PCDHGB3: variants seen among roughly 807,000 people sequenced by gnomAD.
PCDHGB3 encodes the protein protocadherin gamma subfamily B, 3, also known as protocadherin gamma-B3.
A neutral mutation model predicts 59.2 loss-of-function variants in PCDHGB3; 40 were observed. The ratio of observed to expected loss-of-function variants is 0.68; its 90% confidence interval spans 0.52 to 0.88. PCDHGB3 has a LOEUF of 0.88. PCDHGB3 is among the 40% of genes least tolerant of loss of function. PCDHGB3 has a pLI of 0.00. For missense variants in PCDHGB3, 1,309 were observed against 1,187.9 expected (o/e 1.10, Z -1.50); for synonymous variants, 581 against 503.6 (o/e 1.15, Z -2.06).
intron 1 of PCDHGB3, among the ~76,000 whole-genome samples, chr5:141,465,104 T>A (rs1044128193): frequency 1.3e-5 from 2 of 151,862 alleles, no homozygotes; most frequent in East Asian, 3.9e-4. Context: ...GTTTTTTTTT[T>A]AAGTGTTTTA....
chr5:141,458,292 T>C (rs2098941901), intron 1 of PCDHGB3, among the ~76,000 whole-genome samples: 1 of 152,146 alleles, frequency 6.6e-6, no homozygotes, highest in Admixed American at 6.5e-5. Flanking sequence ...GTCCTCATGC[T>C]GGTTTAGATA....
At chr5:141,374,080 A>T in intron 1 of PCDHGB3, 1 of 1,520,068 alleles carries the variant, frequency 6.6e-7, no homozygotes. Context: ...CTAATAAGCC[A>T]GTAATGGCGC....
At chr5:141,428,188 G>T in intron 1 of PCDHGB3, 1 of 1,433,356 alleles carries the variant, frequency 7.0e-7, no homozygotes. Flanking sequence ...GACAGCCGCC[G>T]CTCTCTGCGC....
intron 1 of PCDHGB3, chr5:141,417,592 TG>T: frequency 2.1e-6 from 1 of 485,078 alleles, no homozygotes; most frequent in Non-Finnish European, 3.5e-6. Context: ...ACAGAGCCTC[TG>T]GGCGCCGCCG....
At chr5:141,429,613 G>A (rs1374650357) in intron 1 of PCDHGB3, among the ~76,000 whole-genome samples, 2 of 152,084 alleles carry the variant, frequency 1.3e-5, no homozygotes, top group African/African-American at 2.4e-5. Flanking sequence ...TCAATTTTAT[G>A]TCTGATATTT....
chr5:141,409,452 A>T, intron 1 of PCDHGB3: 1 of 1,613,990 alleles, frequency 6.2e-7, no homozygotes, highest in Non-Finnish European at 8.5e-7. Context: ...CAGACACCAG[A>T]ATACAATGTC....
At chr5:141,397,462 G>A (rs1415733475) in intron 1 of PCDHGB3, among the ~76,000 whole-genome samples, 1 of 152,152 alleles carries the variant, frequency 6.6e-6, no homozygotes, top group Non-Finnish European at 1.5e-5. Context: ...TAGAAATATT[G>A]GGGAGTTGGA....
At position 141,512,116 on chromosome 5, in the gene PCDHGB3, T is replaced by TTA. The variant is rs2099884085; in HGVS notation, c.*943_*944insTA. On this transcript the variant is annotated 3_prime_UTR_variant, in exon 4 of 4. Coordinates refer to ENST00000576222, the MANE Select transcript of PCDHGB3 (RefSeq NM_018924.5). ...ACTAGGCTGGACCCTTCCCACTACA[T>TTA]AATAGGGCTCAGCCCAGGCAGCCAG... 1 of 152,600 alleles carries TTA rather than the reference T, an allele frequency of 6.6e-6. No homozygotes were observed. The highest frequency in any genetic ancestry group is 2.1e-4 in the South Asian group (1 of 4,832). 9.5% of individuals were successfully genotyped at this position (152,600 alleles called of 1,614,324 possible).
intron 1 of PCDHGB3, chr5:141,389,156 T>C (rs2091626888): frequency 6.2e-7 from 1 of 1,613,950 alleles, no homozygotes; most frequent in Non-Finnish European, 8.5e-7. Flanking sequence ...CGGCAACAGA[T>C]CGGGGCAAGC....
rs2154573815 is a variant in PCDHGB3 at position 141,475,798 on chromosome 5, CAAAGG to C, written c.2416-19004_2416-19000del. ...TTGGCTGGAAACTCTGGAAGGAAGC[CAAAGG>C]AAAGTGAAGTTCCTGGCGCTAGCGC... On this transcript the variant is annotated intron_variant, in intron 1 of 3. Coordinates refer to ENST00000576222, the MANE Select transcript of PCDHGB3 (RefSeq NM_018924.5). The C allele has an allele frequency of 9.7e-6, 3 of 309,052 alleles. No homozygotes were observed. The South Asian group carries it at 2.0e-4, about 21-fold the overall frequency. 19.1% of individuals were successfully genotyped at this position (309,052 alleles called of 1,614,324 possible).
At chr5:141,451,607 C>T (rs2154563647) in intron 1 of PCDHGB3, among the ~76,000 whole-genome samples, 1 of 152,288 alleles carries the variant, frequency 6.6e-6, no homozygotes, top group Non-Finnish European at 1.5e-5. Context: ...CAAGGCTAGG[C>T]ATGGTGGCTC....
At chr5:141,389,122 A>G (rs2091613113) in intron 1 of PCDHGB3, 1 of 1,613,914 alleles carries the variant, frequency 6.2e-7, no homozygotes, top group Admixed American at 1.7e-5. Context: ...CGCGAGCAGA[A>G]TCCAGAGTAC....
intron 1 of PCDHGB3, chr5:141,418,787 G>A: frequency 6.2e-7 from 1 of 1,613,794 alleles, no homozygotes; most frequent in Non-Finnish European, 8.5e-7. Context: ...TTTGGATTTT[G>A]AAGAAGTAGA....
intron 1 of PCDHGB3, among the ~76,000 whole-genome samples, chr5:141,447,339 A>T (rs767342137): frequency 6.6e-6 from 1 of 151,770 alleles, no homozygotes; most frequent in Non-Finnish European, 1.5e-5. Flanking sequence ...GGGTTTCATC[A>T]TATTGGTCAG....
chr5:141,427,556 C>A (rs1022143090), intron 1 of PCDHGB3: 7 of 649,144 alleles, frequency 1.1e-5, no homozygotes, highest in African/African-American at 1.1e-4. Flanking sequence ...CTGCCACTGA[C>A]AAGGGCAAGC....
rs748244003 is a variant in PCDHGB3, at chr5:141,371,046, G to A, written c.652G>A (p.Gly218Ser). The change falls in exon 1 of 4, where the codon GGC becomes AGC. Residue 218 changes from glycine to serine, a missense_variant. Gly to Ser is a moderately conservative substitution (Grantham distance 56). Coordinates refer to ENST00000576222, the MANE Select transcript of PCDHGB3 (RefSeq NM_018924.5). ...CCTGGTCCTCACAGCTGTGGATGGG[G>A]GCGAGCCCTCCAGAAGCTGTACCAC... Reference protein sequence around the residue: ...HHLVLTAVDGGEPSRSCTTQI... With the variant: ...HHLVLTAVDGSEPSRSCTTQI... The A allele has an allele frequency of 6.2e-7, 1 of 1,613,962 alleles. No individual in the cohort carries two copies. Among genetic ancestry groups the A allele is most frequent in the South Asian group, 1.1e-5 (1 of 91,084 alleles).
At chr5:141,393,503 G>C (rs2092782893) in intron 1 of PCDHGB3, 1 of 1,614,028 alleles carries the variant, frequency 6.2e-7, no homozygotes, top group Non-Finnish European at 8.5e-7. Flanking sequence ...GCATCCACGT[G>C]ACAGTGTTGG....
chr5:141,448,496 G>A (rs1277705943), intron 1 of PCDHGB3, among the ~76,000 whole-genome samples: 1 of 152,024 alleles, frequency 6.6e-6, no homozygotes, highest in Non-Finnish European at 1.5e-5. Flanking sequence ...GTCCCCTGTA[G>A]GTAAACATTT....
intron 1 of PCDHGB3, chr5:141,484,966 G>C: frequency 1.7e-6 from 1 of 583,968 alleles, no homozygotes. Context: ...GAGCCCGGGA[G>C]CCGCTGTCTG....
Sources: gnomAD v4.1 joint callset for allele counts (sites outside exome capture counted in the v4.1 genomes callset) on GRCh38, gnomAD v4.1.1 for gene constraint, MANE v1.5 for transcripts, NCBI Gene and HGNC (gene_info 2026-07-23, HGNC 2026-07-21) for gene names.